The following SGIP1 variants were observed in gnomAD, a reference collection of about 807,000 sequenced individuals.
SGIP1 encodes the protein SH3-containing GRB2-like protein 3-interacting protein 1.
Under a neutral mutation model 107.5 loss-of-function variants are expected in SGIP1, and 38 were observed. The observed-to-expected ratio is 0.35, with a 90% CI of 0.27 to 0.46. The LOEUF (loss-of-function observed/expected upper bound fraction) is 0.46. Among genes scored for constraint, SGIP1 ranks in the 20% least tolerant of loss-of-function variants. The pLI, the probability that SGIP1 is intolerant of heterozygous loss-of-function variation, is 1.00. For missense variants in SGIP1, 929 were observed against 1,019.5 expected, an observed-to-expected ratio of 0.91 and a Z score of 1.21; for synonymous variants, 365 against 366.1, an observed-to-expected ratio of 1.00 and a Z score of 0.03.
intron 1 of SGIP1, among the ~76,000 whole-genome samples, chr1:66,572,644 A>G (rs1049741665): frequency 1.3e-5 from 2 of 151,994 alleles, no homozygotes; most frequent in Non-Finnish European, 2.9e-5. Flanking sequence ...TCAACTTATG[A>G]TAGTAGTTTC....
chr1:66,664,467 T>C (rs2149759415), intron 8 of SGIP1, among the ~76,000 whole-genome samples: 1 of 152,318 alleles, frequency 6.6e-6, no homozygotes, highest in Non-Finnish European at 1.5e-5. Flanking sequence ...TTTGGAGTCA[T>C]TCAACAATGC....
At chr1:66,698,437 G>A (rs1322803447) in intron 18 of SGIP1, among the ~76,000 whole-genome samples, 3 of 143,766 alleles carry the variant, frequency 2.1e-5, no homozygotes, top group South Asian at 2.2e-4. Context: ...GGAGTGCAAT[G>A]GCTCGATCTC....
At position 66,751,129 on chromosome 1, in the gene SGIP1, T is replaced by C. The variant is rs1441802067; in HGVS notation, c.*8034T>C. ...ATGAAAAATATGAAAATAAATTGAA[T>C]TGTGAATATCTTTTGCTGTCAGCCT... On this transcript the variant is annotated 3_prime_UTR_variant, in exon 25 of 25. Coordinates refer to ENST00000371037, the MANE Select transcript of SGIP1 (RefSeq NM_032291.4). Among the ~76,000 whole-genome samples, 1 of 152,194 alleles carries C rather than the reference T, an allele frequency of 6.6e-6. No individual in the cohort carries two copies. Among genetic ancestry groups the C allele is most frequent in the East Asian group, 1.9e-4 (1 of 5,204 alleles).
At chr1:66,675,622 C>T (rs2085123276) in intron 12 of SGIP1, among the ~76,000 whole-genome samples, 1 of 141,004 alleles carries the variant, frequency 7.1e-6, no homozygotes, top group Non-Finnish European at 1.5e-5. Context: ...TCACTGCAGC[C>T]TCGACCTCCC....
At chr1:66,550,761 A>G (rs576288303) in intron 1 of SGIP1, among the ~76,000 whole-genome samples, 1 of 152,294 alleles carries the variant, frequency 6.6e-6, no homozygotes, top group African/African-American at 2.4e-5. Context: ...TATTACACAG[A>G]TGAGAAAACT....
chr1:66,731,578 T>G (rs1557787061), intron 20 of SGIP1, among the ~76,000 whole-genome samples: 1 of 152,220 alleles, frequency 6.6e-6, no homozygotes, highest in East Asian at 1.9e-4. Flanking sequence ...TTGGATCTTA[T>G]GAACTCTACT....
chr1:66,683,700 CTTTTTTTTTTTTT>C (rs869266510), intron 15 of SGIP1, among the ~76,000 whole-genome samples: 626 of 61,424 alleles, frequency 0.01, 5 homozygotes, highest in South Asian at 0.015. Flanking sequence ...TGTTTCTTTT[CTTTTTTTTTTTTT>C]TTTTTTTTTT....
At position 66,711,264 on chromosome 1, in the gene SGIP1, G is replaced by A. The variant is rs188376829; in HGVS notation, c.1631-8030G>A. 1.5e-3 allele frequency among the ~76,000 whole-genome samples: 221 copies of A among 152,104 alleles called. 2 individuals are homozygous for A. Among genetic ancestry groups the A allele is most frequent in the African/African-American group, 5.3e-3 (218 of 41,498 alleles). On this transcript the variant is annotated intron_variant, in intron 18 of 24. Transcript: ENST00000371037. Reference sequence around the variant, plus strand: ...ACTATCCTCAAATAACAAGAACATAGAACATCCTATATCATCATATTTAAT... The same window carrying A: ...ACTATCCTCAAATAACAAGAACATAAAACATCCTATATCATCATATTTAAT...
Position 66,651,007 on chromosome 1 carries a change from G to A in SGIP1, c.459+7288G>A, listed in dbSNP as rs148847761. Among the ~76,000 whole-genome samples the A allele has an allele frequency of 3.7e-4, 57 of 152,232 alleles. 1 individual carries two copies. The highest frequency in any genetic ancestry group is 8.3e-4 in the South Asian group (4 of 4,824). ...TTTAAGCCTCAGTCAAGGCTTAATC[G>A]AGTGTAAAATAAGGTTAATAATACT... On this transcript the variant is annotated intron_variant, in intron 7 of 24. Coordinates refer to ENST00000371037, the MANE Select transcript of SGIP1 (RefSeq NM_032291.4).
chr1:66,642,726 C>T, intron 5 of SGIP1, 84 bp from the exon 6 acceptor site: 1 of 1,197,292 alleles, frequency 8.4e-7, no homozygotes, highest in Non-Finnish European at 1.2e-6. Context: ...TTTCTATATC[C>T]TTAAATAGAA....
At chr1:66,643,280 G>A (rs1038153327) in intron 6 of SGIP1, among the ~76,000 whole-genome samples, 1 of 152,184 alleles carries the variant, frequency 6.6e-6, no homozygotes, top group East Asian at 1.9e-4. Context: ...TTGTCTGTGT[G>A]TGCTGAGTAT....
Position 66,747,036 on chromosome 1 carries a change from C to T in SGIP1, c.*3941C>T, listed in dbSNP as rs2094561783. ...AAACACCGTAACAACACAAAATGATCTACCACATATCAATGTCTTCCATCT... is the reference window on the plus strand; with the variant it reads ...AAACACCGTAACAACACAAAATGATTTACCACATATCAATGTCTTCCATCT... On this transcript the variant is annotated 3_prime_UTR_variant, in exon 25 of 25. Coordinates refer to ENST00000371037, the MANE Select transcript of SGIP1 (RefSeq NM_032291.4). The T allele has an allele frequency of 1.3e-5, 2 of 152,066 alleles. No homozygotes were observed. Among genetic ancestry groups the T allele is most frequent in the South Asian group, 4.1e-4 (2 of 4,828 alleles). 9.4% of individuals were successfully genotyped at this position (152,066 alleles called of 1,614,324 possible). A position where few individuals can be genotyped will look rare whatever the true frequency, so the allele number is the denominator to read the frequency against.
At chr1:66,700,914 C>A (rs1318640699) in intron 18 of SGIP1, among the ~76,000 whole-genome samples, 1 of 151,642 alleles carries the variant, frequency 6.6e-6, no homozygotes, top group Admixed American at 6.6e-5. Context: ...CCAGATGAGA[C>A]CCCAGAGAGG....
At chr1:66,545,141 A>G (rs920005706) in intron 1 of SGIP1, among the ~76,000 whole-genome samples, 1 of 152,122 alleles carries the variant, frequency 6.6e-6, no homozygotes, top group South Asian at 2.1e-4. Context: ...ACAGCCACAA[A>G]AGACATCAAT....
At chr1:66,573,715 T>C (rs988286130) in intron 1 of SGIP1, among the ~76,000 whole-genome samples, 2 of 151,856 alleles carry the variant, frequency 1.3e-5, no homozygotes, top group Admixed American at 6.6e-5. Flanking sequence ...TGAGAACACA[T>C]AGACACGCAG....
chr1:66,644,359 G>T (rs958491601), intron 7 of SGIP1, among the ~76,000 whole-genome samples: 1 of 149,574 alleles, frequency 6.7e-6, no homozygotes, highest in Non-Finnish European at 1.5e-5. Flanking sequence ...AAAAAAAAAA[G>T]AGATTATTTT....
At chr1:66,664,586 T>C (rs1231613961) in intron 8 of SGIP1, among the ~76,000 whole-genome samples, 1 of 152,176 alleles carries the variant, frequency 6.6e-6, no homozygotes, top group Non-Finnish European at 1.5e-5. Flanking sequence ...CACCTTCCTC[T>C]CTATAGCATG....
intron 16 of SGIP1, 147 bp downstream of exon 16, chr1:66,689,422 T>A: frequency 1.9e-6 from 2 of 1,049,194 alleles, no homozygotes; most frequent in Non-Finnish European, 2.7e-6. Context: ...GGTATGAGTG[T>A]ACATTTCAAC....
At chr1:66,672,404 GT>G in intron 11 of SGIP1, among the ~76,000 whole-genome samples, 1 of 152,124 alleles carries the variant, frequency 6.6e-6, no homozygotes, top group South Asian at 2.1e-4. Flanking sequence ...CTTCCATTCT[GT>G]TTTTAGTTTT....
Sources: gnomAD v4.1 joint callset for allele counts (sites outside exome capture counted in the v4.1 genomes callset) on GRCh38, gnomAD v4.1.1 for gene constraint, MANE v1.5 for transcripts, NCBI Gene and HGNC (gene_info 2026-07-23, HGNC 2026-07-21) for gene names.